Variants in SHCBP1 observed in about 807,000 individuals in gnomAD.
The protein encoded by SHCBP1 is SHC SH2 domain-binding protein 1.
In SHCBP1, 60 loss-of-function variants were observed where a neutral mutation model predicts 75.1. The observed-to-expected ratio is 0.80, with a 90% CI of 0.65 to 0.99. The LOEUF is 0.99. Among genes scored for constraint, SHCBP1 ranks in the 50% least tolerant of loss-of-function variants. SHCBP1 has a pLI of 0.00. For missense variants in SHCBP1, 709 were observed against 809.4 expected (o/e 0.88, Z 1.50); for synonymous variants, 290 against 293.2 (o/e 0.99, Z 0.11).
At chr16:46,582,566 C>A (rs1342037867) in intron 12 of SHCBP1, among the ~76,000 whole-genome samples, 4 of 152,198 alleles carry the variant, frequency 2.6e-5, no homozygotes, top group Non-Finnish European at 5.9e-5. Context: ...GGCCATGAGG[C>A]AAGAACCTGA....
intron 1 of SHCBP1, 87 bp downstream of exon 1, chr16:46,621,170 G>C: frequency 8.0e-7 from 1 of 1,242,952 alleles, no homozygotes; most frequent in Non-Finnish European, 1.1e-6. Flanking sequence ...GGTCCGGAAG[G>C]CCCGCGACCC....
chr16:46,611,661 C>CT (rs1406138030), intron 4 of SHCBP1, among the ~76,000 whole-genome samples: 1 of 152,090 alleles, frequency 6.6e-6, no homozygotes, highest in Non-Finnish European at 1.5e-5. Flanking sequence ...GCTGTAGAAA[C>CT]TTTAACTTTT....
intron 1 of SHCBP1, among the ~76,000 whole-genome samples, chr16:46,619,017 C>G (rs1965545141): frequency 6.6e-6 from 1 of 152,208 alleles, no homozygotes; most frequent in South Asian, 2.1e-4. Context: ...CAATATCAGT[C>G]TGTCAATCGC....
chr16:46,606,028 G>C (rs2143000831), intron 5 of SHCBP1, among the ~76,000 whole-genome samples: 1 of 152,006 alleles, frequency 6.6e-6, no homozygotes, highest in Middle Eastern at 3.4e-3. Context: ...AATTGAGGAT[G>C]AAACCATGTT....
At chr16:46,608,239 T>A (rs1965353271) in intron 5 of SHCBP1, 58 bp downstream of exon 5, 1 of 1,231,552 alleles carries the variant, frequency 8.1e-7, no homozygotes, top group Admixed American at 1.8e-5. Context: ...CAGGCAAAAT[T>A]AAACCATGGG....
intron 12 of SHCBP1, among the ~76,000 whole-genome samples, chr16:46,583,088 C>A (rs2142997160): frequency 6.6e-6 from 1 of 152,290 alleles, no homozygotes; most frequent in East Asian, 1.9e-4. Context: ...GGAAATGCAG[C>A]CTTCAGCCTG....
chr16:46,618,174 CT>C, intron 2 of SHCBP1, 30 bp downstream of exon 2: 1 of 1,562,020 alleles, frequency 6.4e-7, no homozygotes, highest in Non-Finnish European at 8.6e-7. Flanking sequence ...GAAACTCCAT[CT>C]CAAAAAAAAA....
At chr16:46,600,752 C>A (rs183993571) in intron 8 of SHCBP1, among the ~76,000 whole-genome samples, 195 of 152,362 alleles carry the variant, frequency 1.3e-3, no homozygotes, top group African/African-American at 4.4e-3. Context: ...GTGGCGCACG[C>A]CTGTAATCCC....
In SHCBP1 at chr16:46,581,882, G is replaced by A. The variant is rs1443149519; in HGVS notation, c.1866C>T (p.Ser622=). ...CEIVNELIAA[S]TQKGQIKKKR... The stretch of plus-strand genomic sequence containing the variant: ...TCTTCTTTATCTGGCCTTTCTGTGT[G>A]GAGGCAGCAATTAGTTCATTTACAA... The change falls in exon 13 of 13, where the codon TCC becomes TCT. Residue 622 remains serine, a synonymous_variant. Coordinates refer to ENST00000303383, the MANE Select transcript of SHCBP1 (RefSeq NM_024745.5). 2.5e-6 allele frequency: 4 copies of A among 1,614,062 alleles called. No homozygotes were observed. In the East Asian group the frequency reaches 6.7e-5, roughly 27 times the overall value.
intron 1 of SHCBP1, among the ~76,000 whole-genome samples, chr16:46,619,085 T>A (rs1965546641): frequency 6.6e-6 from 1 of 152,206 alleles, no homozygotes; most frequent in Non-Finnish European, 1.5e-5. Flanking sequence ...TCAGTAAGGT[T>A]ATTAGATTCC....
chr16:46,599,554 T>A (rs1965195007), intron 9 of SHCBP1, among the ~76,000 whole-genome samples: 1 of 151,054 alleles, frequency 6.6e-6, no homozygotes, highest in Admixed American at 6.6e-5. Flanking sequence ...CAGCATATTA[T>A]CTATATTGTG....
chr16:46,595,734 G>A, intron 9 of SHCBP1, 64 bp from the exon 10 acceptor site: 1 of 1,161,246 alleles, frequency 8.6e-7, no homozygotes, highest in South Asian at 1.3e-5. Context: ...GTTAGAGATA[G>A]CCTCGCGCTG....
Position 46,604,316 on chromosome 16 carries a change from T to C in SHCBP1, c.835A>G (p.Asn279Asp). 1.2e-6 allele frequency: 2 copies of C among 1,614,228 alleles called. No individual in the cohort carries two copies. Among genetic ancestry groups the C allele is most frequent in the Non-Finnish European group, 1.7e-6 (2 of 1,180,040 alleles). Residue 279 changes from asparagine to aspartate, a missense_variant, in exon 6 of 13, where the codon AAT becomes GAT. Transcript: ENST00000303383. ...SNCNSDSEQENISMVEGLKLY... is the reference protein window; with the variant it reads ...SNCNSDSEQEDISMVEGLKLY... The stretch of plus-strand genomic sequence containing the variant: ...TTTAACCCTTCCACCATGGAGATAT[T>C]TTCCTGCTCGGAATCAGAGTTACAA...
intron 10 of SHCBP1, among the ~76,000 whole-genome samples, chr16:46,587,384 A>C (rs939538631): frequency 6.6e-6 from 1 of 152,212 alleles, no homozygotes; most frequent in African/African-American, 2.4e-5. Context: ...AATGAAAAGC[A>C]TAACAAACAG....
chr16:46,621,196 G>A (rs1965584096), intron 1 of SHCBP1, 61 bp downstream of exon 1: 3 of 1,502,260 alleles, frequency 2.0e-6, no homozygotes, highest in South Asian at 2.4e-5. Flanking sequence ...CCCTCCTAGG[G>A]TCCCGACGCC....
Position 46,618,189 on chromosome 16 carries a change from C to CA in SHCBP1, c.271+15dup, listed in dbSNP as rs1567455802. On this transcript the variant is annotated intron_variant, in intron 2 of 12. Transcript: ENST00000303383. ...GAAACTCCATCTCAAAAAAAAAAAG[C>CA]AAAAAACCTACTCACCTAAAATGTA... 6.4e-7 allele frequency: 1 copy of CA among 1,564,572 alleles called. No individual in the cohort carries two copies. Among genetic ancestry groups the CA allele is most frequent in the Non-Finnish European group, 8.6e-7 (1 of 1,161,006 alleles).
chr16:46,601,375 A>G (rs935040712), intron 8 of SHCBP1, among the ~76,000 whole-genome samples: 4 of 152,208 alleles, frequency 2.6e-5, no homozygotes, highest in African/African-American at 9.7e-5. Context: ...ATGCAAGCCA[A>G]ACACCTGAGT....
At chr16:46,586,473 TAAC>T (rs1343236042) in intron 10 of SHCBP1, among the ~76,000 whole-genome samples, 3 of 152,052 alleles carry the variant, frequency 2.0e-5, no homozygotes, top group Non-Finnish European at 2.9e-5. Context: ...TGCTGGAATA[TAAC>T]AAAAGATCCA....
intron 4 of SHCBP1, among the ~76,000 whole-genome samples, chr16:46,609,787 A>G (rs1430591644): frequency 6.6e-6 from 1 of 152,058 alleles, no homozygotes; most frequent in Admixed American, 6.5e-5. Flanking sequence ...CAAGTGATTT[A>G]ACAAATTTAT....
Sources: allele counts gnomAD v4.1 joint callset (sites outside exome capture counted in the v4.1 genomes callset), GRCh38; gene constraint gnomAD v4.1.1; transcripts MANE v1.5; gene names NCBI Gene and HGNC (gene_info 2026-07-23, HGNC 2026-07-21).